The following CISD3 variants were observed in gnomAD, a reference collection of about 807,000 sequenced individuals.
CISD3 encodes CDGSH iron sulfur domain 3.
In CISD3, 11 loss-of-function variants were observed where a neutral mutation model predicts 14.1. The ratio of observed to expected loss-of-function variants is 0.78; its 90% CI spans 0.49 to 1.29. The LOEUF (loss-of-function observed/expected upper bound fraction) is 1.29, where lower values mean the gene tolerates loss of function less well. Ranked by LOEUF, CISD3 falls within the 50% of genes most tolerant of loss-of-function variation. The pLI is 0.00. For missense variants in CISD3, 156 were observed against 171.6 expected (o/e 0.91, Z 0.51); for synonymous variants, 53 against 69.2 (o/e 0.77, Z 1.16).
In CISD3 at chr17:38,733,611, C is replaced by A; in HGVS notation, c.*156C>A. On this transcript the variant is annotated 3_prime_UTR_variant, in exon 4 of 4. Transcript: ENST00000613478. Reference sequence around the variant, plus strand: ...ATTATTCCTTATAACCTAAAAGTCTCCAGTCTGGGGCAGGCGGGAGTGGGC... The same window carrying A: ...ATTATTCCTTATAACCTAAAAGTCTACAGTCTGGGGCAGGCGGGAGTGGGC... 1.2e-6 allele frequency: 1 copy of A among 812,716 alleles called. No individual in the cohort carries two copies. Among genetic ancestry groups the A allele is most frequent in the Non-Finnish European group, 1.8e-6 (1 of 550,562 alleles). 50.3% of individuals were successfully genotyped at this position (812,716 alleles called of 1,614,324 possible). A position where few individuals can be genotyped will look rare whatever the true frequency, so the allele number is the denominator to read the frequency against.
intron 3 of CISD3, 63 bp from the exon 4 acceptor site, chr17:38,733,211 CAG>C (rs200582089): frequency 1.4e-6 from 1 of 715,080 alleles, no homozygotes; most frequent in East Asian, 2.9e-5. Context: ...TGAGCTCCTG[CAG>C]CCTGCCCTGC....
In CISD3 at chr17:38,735,495, C is replaced by T. The variant is rs780727729; in HGVS notation, c.*2040C>T. 10 of 1,593,180 alleles carry T rather than the reference C, an allele frequency of 6.3e-6. 1 individual carries two copies. Among genetic ancestry groups the T allele is most frequent in the South Asian group, 2.3e-5 (2 of 87,968 alleles). On this transcript the variant is annotated 3_prime_UTR_variant, in exon 4 of 4. Coordinates refer to ENST00000613478, the MANE Select transcript of CISD3 (RefSeq NM_001136498.2). ...GCCTTGTCGCTGACTGACTCACACT[C>T]GGACGCCCCGCTGGTGTTGGTGCCC...
In CISD3 at chr17:38,735,285, A is replaced by G. The variant is rs1906603123; in HGVS notation, c.*1830A>G. On this transcript the variant is annotated 3_prime_UTR_variant, in exon 4 of 4. Transcript: ENST00000613478. ...ATCTTGCGCCCCCTGCTGGTGGAGG[A>G]TGGTGTCTGCAGGCAGTTCAAGCTA... 4 of 1,485,688 alleles carry G rather than the reference A, an allele frequency of 2.7e-6. No individual in the cohort carries two copies. In the South Asian group the frequency reaches 5.4e-5, roughly 20 times the overall value. 92.0% of individuals were successfully genotyped at this position (1,485,688 alleles called of 1,614,324 possible).
At position 38,733,239 on chromosome 17, in the gene CISD3, G is replaced by A. The variant is rs552705152; in HGVS notation, c.205-37G>A. Reference sequence around the variant, plus strand: ...CCTGCCCTGCCCTGCCCCAGCAGGTGGGGTCAGGTCTTTGACTCCTGTCTT... The same window carrying A: ...CCTGCCCTGCCCTGCCCCAGCAGGTAGGGTCAGGTCTTTGACTCCTGTCTT... On this transcript the variant is annotated intron_variant, in intron 3 of 3. Transcript: ENST00000613478. 178 of 1,524,592 alleles carry A rather than the reference G, an allele frequency of 1.2e-4. 4 individuals carry two copies. The South Asian group carries it at 1.7e-3, about 14-fold the overall frequency. 94.4% of individuals were successfully genotyped at this position (1,524,592 alleles called of 1,614,324 possible).
At chr17:38,730,834 C>A in intron 2 of CISD3, 39 bp downstream of exon 2, 3 of 1,540,344 alleles carry the variant, frequency 1.9e-6, no homozygotes, top group African/African-American at 2.7e-5. Context: ...CGCACAAGAC[C>A]CCCAGGCACG....
chr17:38,734,181 G>A lies in CISD3; in HGVS notation c.*726G>A, dbSNP rs982034403. The A allele has an allele frequency of 6.6e-6, 1 of 152,484 alleles. No individual in the cohort carries two copies. The highest frequency in any genetic ancestry group is 2.4e-5 in the African/African-American group (1 of 41,400). The allele number at this position is 152,484 out of a possible 1,614,324, so 9.4% of individuals were successfully genotyped here. On this transcript the variant is annotated 3_prime_UTR_variant, in exon 4 of 4. Coordinates refer to ENST00000613478, the MANE Select transcript of CISD3 (RefSeq NM_001136498.2). ...CTCTCAAGGGGTGGGGGTGGGGTCA[G>A]AGCTTACAGGTTTCTGTCTTCTTGT...
In CISD3 at chr17:38,735,356, G is replaced by A; in HGVS notation, c.*1901G>A. 1 of 1,560,460 alleles carries A rather than the reference G, an allele frequency of 6.4e-7. No individual in the cohort carries two copies. The highest frequency in any genetic ancestry group is 1.2e-5 in the South Asian group (1 of 84,764). Reference sequence around the variant, plus strand: ...GGCCCCACTGGCTGTCGAAGGGGGAGTGGGGGAGGTAGGGTGGGTGGCTGG... The same window carrying A: ...GGCCCCACTGGCTGTCGAAGGGGGAATGGGGGAGGTAGGGTGGGTGGCTGG... On this transcript the variant is annotated 3_prime_UTR_variant, in exon 4 of 4. Transcript: ENST00000613478.
intron 3 of CISD3, among the ~76,000 whole-genome samples, 158 bp downstream of exon 3, chr17:38,731,597 A>G (rs1379685996): frequency 1.3e-5 from 2 of 152,168 alleles, no homozygotes; most frequent in African/African-American, 4.8e-5. Context: ...AGCAACCTTA[A>G]GCTCACTGCA....
intron 2 of CISD3, 60 bp from the exon 3 acceptor site, chr17:38,731,260 G>A: frequency 1.3e-6 from 2 of 1,537,774 alleles, no homozygotes. Flanking sequence ...AGGGTCGCAG[G>A]CCGGACGGTG....
At chr17:38,731,070 A>G in intron 2 of CISD3, 1 of 641,416 alleles carries the variant, frequency 1.6e-6, no homozygotes, top group African/African-American at 1.8e-5. Flanking sequence ...CGCAGGTGGG[A>G]GCCAGCGTTT....
rs933057455 is a variant in CISD3, at chr17:38,730,506, C to T, written c.48+100C>T. ...GGCCCGGCCGAGCATCCCGGAGCTC[C>T]CGGCCCGTCCCGCCGGTGTCTGGCT... On this transcript the variant is annotated intron_variant, in intron 1 of 3. Coordinates refer to ENST00000613478, the MANE Select transcript of CISD3 (RefSeq NM_001136498.2). 4.3e-5 allele frequency: 45 copies of T among 1,038,706 alleles called. No individual in the cohort carries two copies. In the African/African-American group the frequency reaches 6.7e-4, roughly 15 times the overall value. The allele number at this position is 1,038,706 out of a possible 1,614,324, so 64.3% of individuals were successfully genotyped here.
Position 38,735,190 on chromosome 17 carries a change from G to C in CISD3, c.*1735G>C, listed in dbSNP as rs376471012. ...CAGAAAAAGTGGAAGGAGTGGAGAGGCTTGGCTGGAAGAAGGGAGAGGGTC... is the reference window on the plus strand; with the variant it reads ...CAGAAAAAGTGGAAGGAGTGGAGAGCCTTGGCTGGAAGAAGGGAGAGGGTC... On this transcript the variant is annotated 3_prime_UTR_variant, in exon 4 of 4. Transcript: ENST00000613478. The C allele has an allele frequency of 4.5e-5, 61 of 1,355,872 alleles. No individual in the cohort carries two copies. The Middle Eastern group carries it at 7.8e-4, about 17-fold the overall frequency. The allele number at this position is 1,355,872 out of a possible 1,614,324, so 84.0% of individuals were successfully genotyped here. A position where few individuals can be genotyped will look rare whatever the true frequency, so the allele number is the denominator to read the frequency against.
chr17:38,734,959 A>T lies in CISD3; in HGVS notation c.*1504A>T. 1 of 298,646 alleles carries T rather than the reference A, an allele frequency of 3.3e-6. No homozygotes were observed. Among genetic ancestry groups the T allele is most frequent in the African/African-American group, 2.1e-5 (1 of 46,548 alleles). 18.5% of individuals were successfully genotyped at this position (298,646 alleles called of 1,614,324 possible). On this transcript the variant is annotated 3_prime_UTR_variant, in exon 4 of 4. Transcript: ENST00000613478. ...AAATTACACAAGACCCCCCCCAAAAAAAATGAACACCATTTTCCACACATA... is the reference window on the plus strand; with the variant it reads ...AAATTACACAAGACCCCCCCCAAAATAAATGAACACCATTTTCCACACATA...
Position 38,735,115 on chromosome 17 carries a change from C to T in CISD3, c.*1660C>T. 2 of 871,184 alleles carry T rather than the reference C, an allele frequency of 2.3e-6. No homozygotes were observed. The highest frequency in any genetic ancestry group is 4.7e-5 in the South Asian group (1 of 21,400). 54.0% of individuals were successfully genotyped at this position (871,184 alleles called of 1,614,324 possible). On this transcript the variant is annotated 3_prime_UTR_variant, in exon 4 of 4. Transcript: ENST00000613478. ...TTTATTTATAAAACCCGCCCCCCAC[C>T]CCCAAGGTGGGAAGAGCTGGGGAAA... is the stretch of plus-strand genomic sequence containing the variant.
In CISD3 at chr17:38,733,659, G is replaced by T; in HGVS notation, c.*204G>T. The T allele has an allele frequency of 1.7e-6, 1 of 573,088 alleles. No homozygotes were observed. The allele number at this position is 573,088 out of a possible 1,614,324, so 35.5% of individuals were successfully genotyped here. On this transcript the variant is annotated 3_prime_UTR_variant, in exon 4 of 4. Coordinates refer to ENST00000613478, the MANE Select transcript of CISD3 (RefSeq NM_001136498.2). ...GGCCCTGGTTCAATGTTTGCTGATG[G>T]GGAAGATGGCAAAAACAAGCCTGCC...
intron 2 of CISD3, 61 bp from the exon 3 acceptor site, chr17:38,731,259 G>A (rs1906321247): frequency 6.5e-7 from 1 of 1,537,414 alleles, no homozygotes; most frequent in Admixed American, 2.0e-5. Context: ...AAGGGTCGCA[G>A]GCCGGACGGT....
chr17:38,733,443 C>G lies in CISD3; in HGVS notation c.372C>G (p.Gly124=), dbSNP rs1906439810. 1 of 1,533,764 alleles carries G rather than the reference C, an allele frequency of 6.5e-7. No homozygotes were observed. Among genetic ancestry groups the G allele is most frequent in the Admixed American group, 2.0e-5 (1 of 49,792 alleles). The part of the protein sequence containing the change: ...RSERVQKAEV[G]SPL ...AGCGCGTGCAGAAGGCAGAAGTGGG[C>G]TCCCCACTCTGAGGGGGCTGCTGCT... Residue 124 remains glycine (G), a synonymous_variant, in exon 4 of 4, where the codon GGC becomes GGG. Coordinates refer to ENST00000613478, the MANE Select transcript of CISD3 (RefSeq NM_001136498.2).
chr17:38,735,583 G>C lies in CISD3; in HGVS notation c.*2128G>C. The C allele has an allele frequency of 1.3e-6, 2 of 1,576,082 alleles. No individual in the cohort carries two copies. Among genetic ancestry groups the C allele is most frequent in the Non-Finnish European group, 1.7e-6 (2 of 1,158,594 alleles). On this transcript the variant is annotated 3_prime_UTR_variant, in exon 4 of 4. Transcript: ENST00000613478. ...TGCAGGCTGGCTGGACACGGTACTT[G>C]AGGGGGAGAGGCCCGTTCTGCGGGG...
intron 1 of CISD3, 118 bp from the exon 2 acceptor site, chr17:38,730,642 A>G: frequency 9.5e-7 from 1 of 1,056,146 alleles, no homozygotes; most frequent in Non-Finnish European, 1.4e-6. Flanking sequence ...TCGCCCCTTC[A>G]GCCCTGTCAC....
Sources: gnomAD v4.1 joint callset for allele counts (sites outside exome capture counted in the v4.1 genomes callset) on GRCh38, gnomAD v4.1.1 for gene constraint, MANE v1.5 for transcripts, NCBI Gene and HGNC (gene_info 2026-07-23, HGNC 2026-07-21) for gene names.